ANO2: variants seen among roughly 807,000 people sequenced by gnomAD.
ANO2 encodes anoctamin-2.
ANO2 carries 101 observed loss-of-function variants against 124.2 expected under a neutral mutation model. That is an observed-to-expected ratio of 0.81 (90% CI 0.69 to 0.96). The LOEUF is 0.96. Ranked by LOEUF, ANO2 falls within the 40% of genes least tolerant of loss-of-function variation. The pLI, the probability that ANO2 is intolerant of heterozygous loss-of-function variation, is 0.00. For missense variants in ANO2, 1,293 were observed against 1,274.5 expected (o/e 1.01, Z -0.22); for synonymous variants, 486 against 482.5 (o/e 1.01, Z -0.09).
intron 3 of ANO2, among the ~76,000 whole-genome samples, chr12:5,887,056 T>C (rs1400396391): frequency 6.6e-6 from 1 of 152,216 alleles, no homozygotes; most frequent in Non-Finnish European, 1.5e-5. Flanking sequence ...GCCACAAAAC[T>C]ATACATTTTG....
Position 5,893,256 on chromosome 12 carries a change from T to A in ANO2, c.534+27784A>T, listed in dbSNP as rs185231139. Among the ~76,000 whole-genome samples the A allele has an allele frequency of 5.4e-3, 824 of 152,142 alleles. 6 individuals are homozygous for A. Among genetic ancestry groups the A allele is most frequent in the African/African-American group, 0.019 (800 of 41,538 alleles). Reference sequence around the variant, plus strand: ...TAAATAAATGGGACCTAATTAAGTTTAAAAGCTTCCTCACAGCAAAACAAA... The same window carrying A: ...TAAATAAATGGGACCTAATTAAGTTAAAAAGCTTCCTCACAGCAAAACAAA... On this transcript the variant is annotated intron_variant, in intron 3 of 24. Coordinates refer to ENST00000682330, the MANE Select transcript of ANO2 (RefSeq NM_001364791.2).
intron 1 of ANO2, among the ~76,000 whole-genome samples, chr12:5,935,037 T>C (rs77115930): frequency 0.041 from 6,266 of 152,276 alleles, 166 homozygotes; most frequent in South Asian, 0.11. Flanking sequence ...ACATGAGGGA[T>C]AGGAACAATC....
chr12:5,890,710 A>G (rs74531728), intron 3 of ANO2, among the ~76,000 whole-genome samples: 45 of 152,344 alleles, frequency 3.0e-4, no homozygotes, highest in African/African-American at 1.0e-3. Flanking sequence ...CAAAGGTACA[A>G]TATCTGAGTT....
chr12:5,613,154 C>G (rs950268473), intron 17 of ANO2, among the ~76,000 whole-genome samples, 196 bp from the exon 18 acceptor site: 2 of 152,132 alleles, frequency 1.3e-5, no homozygotes, highest in Non-Finnish European at 2.9e-5. Flanking sequence ...GGGTTCACTT[C>G]TTAACCCAGT....
In ANO2 at chr12:5,620,489, G is replaced by C. The variant is rs184286677; in HGVS notation, c.1817-5192C>G. ...GGGGTTGAATTGGAATTCTACAGGGGTTGAACTGGAATTCTACAGGAGTTG... is the reference window on the plus strand; with the variant it reads ...GGGGTTGAATTGGAATTCTACAGGGCTTGAACTGGAATTCTACAGGAGTTG... On this transcript the variant is annotated intron_variant, in intron 16 of 24. Transcript: ENST00000682330. Among the ~76,000 whole-genome samples the C allele has an allele frequency of 4.6e-5, 7 of 152,318 alleles. No homozygotes were observed. In the East Asian group the frequency reaches 5.8e-4, roughly 13 times the overall value.
chr12:5,631,026 T>C (rs184635905), intron 16 of ANO2, among the ~76,000 whole-genome samples: 35 of 152,204 alleles, frequency 2.3e-4, no homozygotes, highest in African/African-American at 6.7e-4. Flanking sequence ...CCCTGAGCAA[T>C]TGTGTGCAGC....
chr12:5,932,810 A>G (rs1385671736), intron 1 of ANO2, among the ~76,000 whole-genome samples: 1 of 152,228 alleles, frequency 6.6e-6, no homozygotes, highest in Non-Finnish European at 1.5e-5. Flanking sequence ...GAAAGTATGA[A>G]GAAGGATCCA....
At chr12:5,923,584 C>A (rs949600902) in intron 1 of ANO2, among the ~76,000 whole-genome samples, 3 of 152,198 alleles carry the variant, frequency 2.0e-5, no homozygotes, top group South Asian at 4.1e-4. Flanking sequence ...AGGGTCCTCA[C>A]GCACCTGCTG....
chr12:5,653,561 A>G (rs1178630184), intron 14 of ANO2, among the ~76,000 whole-genome samples: 1 of 152,228 alleles, frequency 6.6e-6, no homozygotes, highest in Non-Finnish European at 1.5e-5. Context: ...CAGTACTTGG[A>G]AAATTATAAG....
intron 20 of ANO2, among the ~76,000 whole-genome samples, chr12:5,583,270 C>T (rs971995764): frequency 2.0e-5 from 3 of 152,176 alleles, no homozygotes; most frequent in Non-Finnish European, 4.4e-5. Context: ...CTCATTGCTG[C>T]AATCGGCACA....
chr12:5,759,689 C>A (rs1028375385), intron 10 of ANO2, among the ~76,000 whole-genome samples: 2 of 151,004 alleles, frequency 1.3e-5, no homozygotes, highest in Non-Finnish European at 2.9e-5. Context: ...ACTATTCTCC[C>A]ACTGTCCCCA....
At chr12:5,919,883 G>C (rs538090114) in intron 3 of ANO2, among the ~76,000 whole-genome samples, 6 of 152,114 alleles carry the variant, frequency 3.9e-5, no homozygotes, top group Non-Finnish European at 8.8e-5. Context: ...GTATTTAGTA[G>C]AGACAGGGTT....
intron 19 of ANO2, among the ~76,000 whole-genome samples, chr12:5,609,370 C>T (rs1012215227): frequency 1.3e-5 from 2 of 152,074 alleles, no homozygotes; most frequent in Non-Finnish European, 2.9e-5. Context: ...AATACATGCC[C>T]AAGTGCCCTC....
At chr12:5,746,859 CT>C (rs1342348725) in intron 11 of ANO2, among the ~76,000 whole-genome samples, 6 of 152,172 alleles carry the variant, frequency 3.9e-5, no homozygotes, top group African/African-American at 1.4e-4. Context: ...GATTAATCAG[CT>C]TTTTAAAAAA....
intron 20 of ANO2, among the ~76,000 whole-genome samples, chr12:5,586,868 CAGATA>C (rs1240901902): frequency 1.3e-5 from 2 of 152,178 alleles, no homozygotes; most frequent in African/African-American, 4.8e-5. Context: ...CTGAACTATC[CAGATA>C]ATTGCATAAG....
chr12:5,589,116 C>A (rs918193636), intron 20 of ANO2, among the ~76,000 whole-genome samples: 7 of 152,196 alleles, frequency 4.6e-5, no homozygotes, highest in Non-Finnish European at 7.3e-5. Flanking sequence ...CTTAGTTATC[C>A]ATGGAGACGG....
intron 10 of ANO2, among the ~76,000 whole-genome samples, chr12:5,783,137 C>T (rs964902016): frequency 6.6e-6 from 1 of 152,216 alleles, no homozygotes; most frequent in Non-Finnish European, 1.5e-5. Context: ...GCTTAACTCA[C>T]CTAACACTCC....
intron 3 of ANO2, among the ~76,000 whole-genome samples, chr12:5,920,693 G>A (rs185367482): frequency 6.6e-5 from 10 of 152,066 alleles, no homozygotes; most frequent in Non-Finnish European, 1.3e-4. Flanking sequence ...GTGAAACCCC[G>A]TCTCTACTAA....
intron 5 of ANO2, among the ~76,000 whole-genome samples, chr12:5,831,190 C>T (rs143838145): frequency 6.0e-4 from 92 of 152,318 alleles, no homozygotes; most frequent in African/African-American, 2.1e-3. Context: ...ACCCCAGGAG[C>T]CCCAGTCACT....
Sources: allele counts gnomAD v4.1 joint callset (sites outside exome capture counted in the v4.1 genomes callset), GRCh38; gene constraint gnomAD v4.1.1; transcripts MANE v1.5; gene names NCBI Gene and HGNC (gene_info 2026-07-23, HGNC 2026-07-21).